The following SGCD variants were observed in gnomAD, a reference collection of about 807,000 sequenced individuals.
SGCD encodes sarcoglycan delta.
SGCD carries 18 observed loss-of-function variants against 36.6 expected under a neutral mutation model. The observed-to-expected ratio is 0.49, with a 90% CI of 0.34 to 0.73. The LOEUF is 0.73. Ranked by LOEUF, SGCD falls within the 30% of genes least tolerant of loss-of-function variation. The pLI is 0.01. For synonymous variants in SGCD, 133 were observed against 130.6 expected, an observed-to-expected ratio of 1.02 and a Z score of -0.12; for missense variants, 387 against 346.7, an observed-to-expected ratio of 1.12 and a Z score of -0.92.
chr5:156,684,043 A>C (rs1197981566), intron 7 of SGCD, among the ~76,000 whole-genome samples: 2 of 152,206 alleles, frequency 1.3e-5, no homozygotes, highest in Non-Finnish European at 2.9e-5. Context: ...GCCAGGGACG[A>C]GGTTTGTCTT....
chr5:155,890,801 C>A (rs1365886542), intron 1 of SGCD, among the ~76,000 whole-genome samples: 1 of 152,010 alleles, frequency 6.6e-6, no homozygotes, highest in African/African-American at 2.4e-5. Context: ...TATGAATGAA[C>A]CCCCACCTAC....
chr5:156,191,554 GT>G (rs1216161525), intron 3 of SGCD, among the ~76,000 whole-genome samples: 1 of 135,178 alleles, frequency 7.4e-6, no homozygotes, highest in Non-Finnish European at 1.6e-5. Flanking sequence ...TGCATGTCTA[GT>G]TCTTTCTTTG....
At position 156,302,973 on chromosome 5, in the gene SGCD, T is replaced by C. The variant is rs115494485; in HGVS notation, c.-43-26561T>C. ...AAGCCTGCAGCAACCACTGCCTATC[T>C]ACCACAGATGTTTACTCAAGGACCA... On this transcript the variant is annotated intron_variant, in intron 3 of 9. Transcript: ENST00000517913. Among the ~76,000 whole-genome samples, 745 of 152,322 alleles carry C rather than the reference T, an allele frequency of 4.9e-3. 8 individuals are homozygous for C. The highest frequency in any genetic ancestry group is 0.017 in the African/African-American group (711 of 41,582).
intron 3 of SGCD, among the ~76,000 whole-genome samples, chr5:156,250,118 G>A (rs1029917774): frequency 6.6e-6 from 1 of 151,910 alleles, no homozygotes; most frequent in Non-Finnish European, 1.5e-5. Flanking sequence ...TTCCTGCTTG[G>A]GTATTCTTCT....
chr5:156,557,111 A>G (rs867365633), intron 4 of SGCD, among the ~76,000 whole-genome samples: 2 of 152,158 alleles, frequency 1.3e-5, no homozygotes, highest in Non-Finnish European at 2.9e-5. Context: ...AAAATCAAGC[A>G]TGGCTGTGAA....
chr5:156,136,381 G>T (rs895901100), intron 3 of SGCD, among the ~76,000 whole-genome samples: 1 of 152,108 alleles, frequency 6.6e-6, no homozygotes, highest in Non-Finnish European at 1.5e-5. Flanking sequence ...CAAAATGCTG[G>T]GATTATAGGT....
the SGCD span, among the ~76,000 whole-genome samples, chr5:155,779,472 T>C: frequency 6.6e-6 from 1 of 152,128 alleles, no homozygotes; most frequent in Non-Finnish European, 1.5e-5. Flanking sequence ...TTCAGAACTT[T>C]TTGAAATCTA....
chr5:156,187,513 C>G (rs1006291616), intron 3 of SGCD, among the ~76,000 whole-genome samples: 2 of 92,378 alleles, frequency 2.2e-5, no homozygotes, highest in Admixed American at 9.8e-5. Flanking sequence ...TTGAGTCTGA[C>G]CTTACTAGCT....
intron 1 of SGCD, among the ~76,000 whole-genome samples, chr5:155,875,227 T>C (rs1464469491): frequency 6.6e-6 from 1 of 152,130 alleles, no homozygotes; most frequent in Non-Finnish European, 1.5e-5. Flanking sequence ...TAACATGTCA[T>C]GTCAGTGGTT....
chr5:156,112,013 C>A (rs1761801320), intron 1 of SGCD, among the ~76,000 whole-genome samples: 1 of 152,144 alleles, frequency 6.6e-6, no homozygotes, highest in Non-Finnish European at 1.5e-5. Flanking sequence ...CTCCTGACCT[C>A]AAGTGATCCA....
intron 3 of SGCD, among the ~76,000 whole-genome samples, chr5:156,253,609 A>T (rs1280864062): frequency 6.6e-6 from 1 of 152,190 alleles, no homozygotes; most frequent in African/African-American, 2.4e-5. Context: ...CAAAATACTT[A>T]TTTCAAGAAC....
At chr5:156,127,952 G>T (rs1272724084) in intron 3 of SGCD, among the ~76,000 whole-genome samples, 1 of 143,844 alleles carries the variant, frequency 7.0e-6, no homozygotes, top group East Asian at 2.1e-4. Flanking sequence ...TTCTTAGAAA[G>T]GACACAAATG....
At chr5:156,538,881 G>C (rs1229143657) in intron 4 of SGCD, among the ~76,000 whole-genome samples, 1 of 151,964 alleles carries the variant, frequency 6.6e-6, no homozygotes, top group Non-Finnish European at 1.5e-5. Context: ...TTCCTTCTCA[G>C]GCAATTCCTA....
intron 4 of SGCD, among the ~76,000 whole-genome samples, chr5:156,527,512 G>T (rs576860455): frequency 3.3e-4 from 50 of 152,272 alleles, no homozygotes; most frequent in African/African-American, 1.2e-3. Flanking sequence ...TAGTGTTAGA[G>T]AAAGTACACT....
intron 6 of SGCD, among the ~76,000 whole-genome samples, chr5:156,615,079 GT>G (rs1166895188): frequency 2.0e-5 from 3 of 152,200 alleles, no homozygotes. Flanking sequence ...GCATGATGTA[GT>G]TTAGCTTTAA....
intron 7 of SGCD, among the ~76,000 whole-genome samples, chr5:156,673,648 T>C (rs1753394966): frequency 6.6e-6 from 1 of 152,186 alleles, no homozygotes; most frequent in Admixed American, 6.5e-5. Flanking sequence ...GGAATTTGAA[T>C]CCCTTGACAA....
chr5:156,519,095 T>G (rs1757300831), intron 4 of SGCD, among the ~76,000 whole-genome samples: 1 of 151,096 alleles, frequency 6.6e-6, no homozygotes, highest in Non-Finnish European at 1.5e-5. Flanking sequence ...TAAAATAGCT[T>G]GCTAGACTAA....
intron 6 of SGCD, among the ~76,000 whole-genome samples, chr5:156,611,064 A>G (rs150781308): frequency 7.5e-4 from 114 of 152,324 alleles, no homozygotes; most frequent in Middle Eastern, 6.8e-3. Flanking sequence ...CCCAGTGTCC[A>G]ACAGTCCCCA....
chr5:156,518,725 G>C (rs552754411), intron 4 of SGCD, among the ~76,000 whole-genome samples: 11 of 152,108 alleles, frequency 7.2e-5, no homozygotes, highest in Non-Finnish European at 1.6e-4. Flanking sequence ...ACAACTGCAT[G>C]GAAATTGAGC....
Sources: allele counts gnomAD v4.1 joint callset (sites outside exome capture counted in the v4.1 genomes callset), GRCh38; gene constraint gnomAD v4.1.1; transcripts MANE v1.5; gene names NCBI Gene and HGNC (gene_info 2026-07-23, HGNC 2026-07-21).